The following CYP3A43 variants were observed in gnomAD, a reference collection of about 807,000 sequenced individuals.
CYP3A43 encodes the protein cytochrome P450 3A43.
Under a neutral mutation model 58.0 loss-of-function variants are expected in CYP3A43, and 45 were observed. The ratio of observed to expected loss-of-function variants is 0.78; its 90% CI spans 0.61 to 0.99. The LOEUF (loss-of-function observed/expected upper bound fraction) is 0.99, where lower values mean the gene tolerates loss of function less well. CYP3A43 is among the 50% of genes least tolerant of loss of function. The pLI, the probability that CYP3A43 is intolerant of heterozygous loss-of-function variation, is 0.00. For synonymous variants in CYP3A43, 191 were observed against 201.4 expected (o/e 0.95, Z 0.44); for missense variants, 593 against 591.9 (o/e 1.00, Z -0.02).
Position 99,828,056 on chromosome 7 carries a change from A to G in CYP3A43, c.-60A>G, listed in dbSNP as rs1816694950. 1 of 1,449,162 alleles carries G rather than the reference A, an allele frequency of 6.9e-7. No homozygotes were observed. Among genetic ancestry groups the G allele is most frequent in the African/African-American group, 1.4e-5 (1 of 71,480 alleles). The allele number at this position is 1,449,162 out of a possible 1,614,324, so 89.8% of individuals were successfully genotyped here. On this transcript the variant is annotated 5_prime_UTR_variant, in exon 1 of 13. Coordinates refer to ENST00000354829, the MANE Select transcript of CYP3A43 (RefSeq NM_057095.3). ...AAAGCTCTATATGCACAGCCCAGCA[A>G]AGAGCAGCACACAGCTGAAAGAAAA...
At chr7:99,848,384 A>G (rs1817620920) in intron 6 of CYP3A43, 130 bp downstream of exon 6, 3 of 851,290 alleles carry the variant, frequency 3.5e-6, no homozygotes, top group Non-Finnish European at 5.6e-6. Context: ...TGCAACTCCA[A>G]TAGGCCACCC....
intron 7 of CYP3A43, among the ~76,000 whole-genome samples, chr7:99,853,854 C>G (rs554297770): frequency 5.3e-4 from 79 of 148,200 alleles, no homozygotes; most frequent in Middle Eastern, 3.4e-3. Flanking sequence ...CCGCGCCCAG[C>G]CTTGAGCTTT....
chr7:99,854,728 T>A (rs2151617143), intron 7 of CYP3A43, among the ~76,000 whole-genome samples: 1 of 152,322 alleles, frequency 6.6e-6, no homozygotes, highest in East Asian at 1.9e-4. Context: ...TTTGGCTACA[T>A]CCCATACGCT....
chr7:99,839,322 A>T (rs931651970), intron 3 of CYP3A43, 150 bp downstream of exon 3: 1 of 939,640 alleles, frequency 1.1e-6, no homozygotes, highest in Non-Finnish European at 1.7e-6. Context: ...AAAGAAAAAG[A>T]TGATCTGGGA....
chr7:99,860,536 G>A (rs1818187074), intron 10 of CYP3A43, among the ~76,000 whole-genome samples: 1 of 152,194 alleles, frequency 6.6e-6, no homozygotes, highest in Non-Finnish European at 1.5e-5. Context: ...CCAAATGCTA[G>A]CCACGTATTA....
At chr7:99,835,999 A>G (rs142154650) in intron 1 of CYP3A43, among the ~76,000 whole-genome samples, 1 of 152,346 alleles carries the variant, frequency 6.6e-6, no homozygotes, top group Non-Finnish European at 1.5e-5. Flanking sequence ...TGCATAGACT[A>G]GTCAGCTTCC....
intron 7 of CYP3A43, among the ~76,000 whole-genome samples, chr7:99,853,407 T>A (rs1817836372): frequency 6.6e-6 from 1 of 152,196 alleles, no homozygotes; most frequent in Non-Finnish European, 1.5e-5. Flanking sequence ...TAAGAGAATA[T>A]CCTTATGCTA....
At chr7:99,855,518 G>A in intron 7 of CYP3A43, 73 bp from the exon 8 acceptor site, 1 of 1,513,072 alleles carries the variant, frequency 6.6e-7, no homozygotes, top group Non-Finnish European at 8.9e-7. Flanking sequence ...AGAGAAAATT[G>A]TAATTGTTGT....
chr7:99,830,765 C>A (rs1376259846), intron 1 of CYP3A43, among the ~76,000 whole-genome samples: 1 of 152,196 alleles, frequency 6.6e-6, no homozygotes, highest in Non-Finnish European at 1.5e-5. Context: ...AGTATCATAT[C>A]TTTCAAGGCT....
At chr7:99,846,560 CTG>C (rs1286856202) in intron 4 of CYP3A43, among the ~76,000 whole-genome samples, 2 of 152,132 alleles carry the variant, frequency 1.3e-5, no homozygotes, top group Non-Finnish European at 2.9e-5. Flanking sequence ...GCCGTCCAAT[CTG>C]TATGCCTTTA....
At chr7:99,837,002 A>T (rs1220683404) in intron 2 of CYP3A43, among the ~76,000 whole-genome samples, 1 of 152,024 alleles carries the variant, frequency 6.6e-6, no homozygotes, top group East Asian at 1.9e-4. Flanking sequence ...CCTCCTGTAG[A>T]GCTTTGAAAA....
rs764912662 is a variant in CYP3A43, at chr7:99,861,625, T to C, written c.1039T>C (p.Tyr347His). The change falls in exon 11 of 13, where the codon TAC becomes CAC. Residue 347 changes from tyrosine (Y) to histidine (H), a missense_variant. Physicochemically the swap from Tyr to His is moderately conservative, Grantham distance 83. Coordinates refer to ENST00000354829, the MANE Select transcript of CYP3A43 (RefSeq NM_057095.3). ...AVLPNKAPVT[Y>H]DALVQMEYLD... ...TCTTTCTTCCCAGGCACCTGTCACC[T>C]ACGATGCCCTGGTACAGATGGAGTA... 3.1e-6 allele frequency: 5 copies of C among 1,613,968 alleles called. No individual in the cohort carries two copies. The highest frequency in any genetic ancestry group is 4.2e-6 in the Non-Finnish European group (5 of 1,179,898).
intron 1 of CYP3A43, among the ~76,000 whole-genome samples, chr7:99,829,649 G>A (rs1398327732): frequency 6.6e-6 from 1 of 152,090 alleles, no homozygotes; most frequent in Non-Finnish European, 1.5e-5. Context: ...AAATCTTTTT[G>A]TCTGGCTGCC....
intron 6 of CYP3A43, 62 bp downstream of exon 6, chr7:99,848,316 G>A (rs183826531): frequency 1.9e-6 from 3 of 1,538,616 alleles, no homozygotes; most frequent in African/African-American, 1.4e-5. Flanking sequence ...CTGCAGTGGA[G>A]CTGATATTCC....
At chr7:99,862,757 C>T (rs1818286827) in intron 11 of CYP3A43, among the ~76,000 whole-genome samples, 1 of 152,190 alleles carries the variant, frequency 6.6e-6, no homozygotes, top group South Asian at 2.1e-4. Flanking sequence ...GGGACCTTGT[C>T]TTGTTAGGCA....
chr7:99,835,232 G>A (rs796982805), intron 1 of CYP3A43, among the ~76,000 whole-genome samples: 5 of 152,162 alleles, frequency 3.3e-5, no homozygotes, highest in East Asian at 1.9e-4. Context: ...TTTGTCTTAC[G>A]ATCTGGTTTG....
intron 3 of CYP3A43, 22 bp downstream of exon 3, chr7:99,839,194 A>C: frequency 6.2e-7 from 1 of 1,613,948 alleles, no homozygotes; most frequent in Non-Finnish European, 8.5e-7. Context: ...GGAAACTTGC[A>C]TTGGATAGAG....
intron 5 of CYP3A43, 143 bp downstream of exon 5, chr7:99,847,744 G>T (rs1423065543): frequency 7.7e-7 from 1 of 1,304,168 alleles, no homozygotes; most frequent in Admixed American, 1.8e-5. Context: ...GGGCACAGTG[G>T]CTCATGCCTG....
chr7:99,848,043 T>C, intron 5 of CYP3A43, 123 bp from the exon 6 acceptor site: 1 of 961,574 alleles, frequency 1.0e-6, no homozygotes, highest in Admixed American at 2.4e-5. Flanking sequence ...GTCTTTTCTA[T>C]TTATGTCCTA....
Sources: gnomAD v4.1 joint callset for allele counts (sites outside exome capture counted in the v4.1 genomes callset) on GRCh38, gnomAD v4.1.1 for gene constraint, MANE v1.5 for transcripts, NCBI Gene and HGNC (gene_info 2026-07-23, HGNC 2026-07-21) for gene names.